Variants in RFX7 observed in about 807,000 individuals in gnomAD.
RFX7 encodes the protein regulatory factor X7, also known as DNA-binding protein RFX7.
Under a neutral mutation model 111.8 loss-of-function variants are expected in RFX7, and 26 were observed. That is an observed-to-expected ratio of 0.23 (90% confidence interval 0.17 to 0.32). The LOEUF is 0.32. Ranked by LOEUF, RFX7 falls within the 10% of genes least tolerant of loss-of-function variation. RFX7 has a pLI of 1.00. For synonymous variants in RFX7, 624 were observed against 624.4 expected (o/e 1.00, Z 0.01); for missense variants, 1,573 against 1,772.9 (o/e 0.89, Z 2.02).
intron 5 of RFX7, among the ~76,000 whole-genome samples, chr15:56,130,655 C>G (rs1339244496): frequency 6.6e-6 from 1 of 150,744 alleles, no homozygotes; most frequent in Non-Finnish European, 1.5e-5. Context: ...CCCAAGAAAA[C>G]CAGAAGGACC....
At position 56,243,282 on chromosome 15, in the gene RFX7, C is replaced by T; in HGVS notation, c.4G>A (p.Ala2Thr). M[A>T]EEQQQPPPQQ... ...GGTGGCGGCTGTTGTTGTTCCTCTG[C>T]CATCGCTGCAGAGGGGTGGGAGGGA... is the stretch of plus-strand genomic sequence containing the variant. Residue 2 changes from alanine to threonine, a missense_variant, in exon 2 of 10, where the codon GCA (alanine) becomes ACA (threonine). Around this residue, in one of 7 missense-constraint regions of RFX7, gnomAD observed 191 missense variants for 194.2 expected, o/e 0.98. Coordinates refer to ENST00000559447, the MANE Select transcript of RFX7 (RefSeq NM_022841.7). 1 of 1,183,534 alleles carries T rather than the reference C, an allele frequency of 8.4e-7. No individual in the cohort carries two copies. The allele number at this position is 1,183,534 out of a possible 1,614,324, so 73.3% of individuals were successfully genotyped here. A position where few individuals can be genotyped will look rare whatever the true frequency, so the allele number is the denominator to read the frequency against.
At chr15:56,179,846 A>C (rs1490667637) in intron 2 of RFX7, among the ~76,000 whole-genome samples, 2 of 151,872 alleles carry the variant, frequency 1.3e-5, no homozygotes, top group East Asian at 3.9e-4. Context: ...TAAAAGCAAT[A>C]ATAAAAGATT....
At chr15:56,182,663 C>T (rs866498350) in intron 2 of RFX7, among the ~76,000 whole-genome samples, 1 of 152,158 alleles carries the variant, frequency 6.6e-6, no homozygotes, top group Non-Finnish European at 1.5e-5. Context: ...CATGTTGATA[C>T]ACTTAAATGA....
At chr15:56,180,319 A>T (rs1175138290) in intron 2 of RFX7, among the ~76,000 whole-genome samples, 1 of 152,202 alleles carries the variant, frequency 6.6e-6, no homozygotes, top group East Asian at 1.9e-4. Flanking sequence ...ATATGACTGG[A>T]TTCAGTTTAA....
At chr15:56,115,063 T>C (rs551256773) in intron 5 of RFX7, among the ~76,000 whole-genome samples, 1 of 152,306 alleles carries the variant, frequency 6.6e-6, no homozygotes, top group Non-Finnish European at 1.5e-5. Flanking sequence ...CAGCCTTGAG[T>C]GCAATGGCGT....
intron 3 of RFX7, among the ~76,000 whole-genome samples, chr15:56,168,962 T>C (rs2042813067): frequency 6.6e-6 from 1 of 152,244 alleles, no homozygotes; most frequent in Non-Finnish European, 1.5e-5. Flanking sequence ...TTGGACTCTT[T>C]ATTTGGTGAC....
intron 2 of RFX7, among the ~76,000 whole-genome samples, chr15:56,214,135 G>A (rs57514811): frequency 0.039 from 5,971 of 151,956 alleles, 424 homozygotes; most frequent in African/African-American, 0.14. Context: ...ATACCAAACC[G>A]CCATAAATAC....
chr15:56,139,998 G>A (rs1449168487), intron 5 of RFX7, among the ~76,000 whole-genome samples: 4 of 152,144 alleles, frequency 2.6e-5, no homozygotes, highest in Non-Finnish European at 4.4e-5. Context: ...TGCGTGCTGG[G>A]AGAACCACTG....
chr15:56,148,777 T>G (rs1443576389), intron 3 of RFX7, among the ~76,000 whole-genome samples: 1 of 152,166 alleles, frequency 6.6e-6, no homozygotes, highest in Non-Finnish European at 1.5e-5. Flanking sequence ...ACTACTCAGC[T>G]GACAGTTAAG....
chr15:56,224,961 C>T lies in RFX7; in HGVS notation c.161+18164G>A, dbSNP rs1287027720. Reference sequence around the variant, plus strand: ...GCACTAATACCATTTCTTAAATAATCCTCCTGCTGATTTGTTGATGCCTCC... The same window carrying T: ...GCACTAATACCATTTCTTAAATAATTCTCCTGCTGATTTGTTGATGCCTCC... On this transcript the variant is annotated intron_variant, in intron 2 of 9. Coordinates refer to ENST00000559447, the MANE Select transcript of RFX7 (RefSeq NM_022841.7). Among the ~76,000 whole-genome samples the T allele has an allele frequency of 2.6e-5, 4 of 152,076 alleles. No homozygotes were observed. In the East Asian group the frequency reaches 7.7e-4, roughly 29 times the overall value.
intron 5 of RFX7, among the ~76,000 whole-genome samples, chr15:56,134,319 T>C (rs1267926420): frequency 6.6e-6 from 1 of 152,166 alleles, no homozygotes; most frequent in Non-Finnish European, 1.5e-5. Flanking sequence ...GAGATCAGGT[T>C]CCGCTCTAAT....
At chr15:56,149,911 G>C (rs527655050) in intron 3 of RFX7, among the ~76,000 whole-genome samples, 5 of 152,130 alleles carry the variant, frequency 3.3e-5, no homozygotes, top group African/African-American at 1.2e-4. Context: ...CAAGTGGTCT[G>C]GCTCAGCGGG....
At chr15:56,184,420 C>G (rs1203870397) in intron 2 of RFX7, among the ~76,000 whole-genome samples, 1 of 152,040 alleles carries the variant, frequency 6.6e-6, no homozygotes, top group South Asian at 2.1e-4. Flanking sequence ...ATCTTTATGT[C>G]TCTTTCTCCC....
In RFX7 at chr15:56,095,275, T is replaced by G. The variant is rs750301161; in HGVS notation, c.2453A>C (p.Lys818Thr). The G allele has an allele frequency of 3.1e-6, 5 of 1,613,948 alleles. No homozygotes were observed. Among genetic ancestry groups the G allele is most frequent in the Non-Finnish European group, 4.2e-6 (5 of 1,179,856 alleles). Reference protein sequence around the residue: ...PEHSDINDLEKSVWELEGMPQ... With the variant: ...PEHSDINDLETSVWELEGMPQ... ...CATTCCTTCTAATTCCCAAACAGAT[T>G]TCTCTAAGTCATTGATATCAGAGTG... is the stretch of plus-strand genomic sequence containing the variant. Residue 818 changes from lysine to threonine, a missense_variant, in exon 10 of 10, where the codon AAA becomes ACA. By Grantham distance (78) the Lys-to-Thr change is moderately conservative. Coordinates refer to ENST00000559447, the MANE Select transcript of RFX7 (RefSeq NM_022841.7).
At chr15:56,126,808 T>A (rs1468965679) in intron 5 of RFX7, among the ~76,000 whole-genome samples, 4 of 151,974 alleles carry the variant, frequency 2.6e-5, no homozygotes, top group Non-Finnish European at 5.9e-5. Flanking sequence ...GATGAAATGG[T>A]CAATCCACCA....
chr15:56,186,677 A>ATG (rs1378452249), intron 2 of RFX7, among the ~76,000 whole-genome samples: 2 of 151,862 alleles, frequency 1.3e-5, no homozygotes, highest in Non-Finnish European at 2.9e-5. Flanking sequence ...ATATCTATAC[A>ATG]TGTGTGTATA....
At chr15:56,197,140 C>T (rs1352822059) in intron 2 of RFX7, among the ~76,000 whole-genome samples, 1 of 152,050 alleles carries the variant, frequency 6.6e-6, no homozygotes, top group Non-Finnish European at 1.5e-5. Context: ...TGTTGAACAC[C>T]TTAATGTATT....
intron 3 of RFX7, among the ~76,000 whole-genome samples, chr15:56,174,921 C>T (rs1476613752): frequency 6.6e-6 from 1 of 152,068 alleles, no homozygotes; most frequent in Non-Finnish European, 1.5e-5. Context: ...CGGAACAAGG[C>T]AAGGAAATTC....
chr15:56,211,691 A>G (rs2043314418), intron 2 of RFX7, among the ~76,000 whole-genome samples: 1 of 152,158 alleles, frequency 6.6e-6, no homozygotes, highest in South Asian at 2.1e-4. Flanking sequence ...AGATTCTTAT[A>G]ATCAACCCCA....
Sources: gnomAD v4.1 joint callset for allele counts (sites outside exome capture counted in the v4.1 genomes callset) on GRCh38, gnomAD v4.1.1 for gene constraint, gnomAD v4.1.1 regional missense constraint, MANE v1.5 for transcripts, NCBI Gene and HGNC (gene_info 2026-07-23, HGNC 2026-07-21) for gene names.